Variants in PHKB observed in about 807,000 individuals in gnomAD.
PHKB encodes phosphorylase b kinase regulatory subunit beta.
In PHKB, 122 loss-of-function variants were observed where a neutral mutation model predicts 152.1. The ratio of observed to expected loss-of-function variants is 0.80; its 90% CI spans 0.69 to 0.93. PHKB has a LOEUF of 0.93. Ranked by LOEUF, PHKB falls within the 40% of genes least tolerant of loss-of-function variation. The pLI, the probability that PHKB is intolerant of heterozygous loss-of-function variation, is 0.00. For missense variants in PHKB, 1,304 were observed against 1,328.4 expected (o/e 0.98, Z 0.29); for synonymous variants, 436 against 464.9 (o/e 0.94, Z 0.80).
At chr16:47,659,771 A>T (rs1034723529) in intron 20 of PHKB, among the ~76,000 whole-genome samples, 1 of 152,248 alleles carries the variant, frequency 6.6e-6, no homozygotes, top group South Asian at 2.1e-4. Context: ...GAAATACATT[A>T]CAGTAGCAGA....
chr16:47,471,091 C>T (rs911185410), intron 1 of PHKB, among the ~76,000 whole-genome samples: 7 of 152,182 alleles, frequency 4.6e-5, no homozygotes, highest in Non-Finnish European at 1.0e-4. Flanking sequence ...CACTCATCAG[C>T]TCTCTGTCTC....
At chr16:47,486,430 A>C (rs904655955) in intron 1 of PHKB, among the ~76,000 whole-genome samples, 1 of 152,226 alleles carries the variant, frequency 6.6e-6, no homozygotes, top group Non-Finnish European at 1.5e-5. Flanking sequence ...TAAATTTCAA[A>C]ACTGCTTGAA....
At chr16:47,473,225 T>TC (rs1356798134) in intron 1 of PHKB, among the ~76,000 whole-genome samples, 1,879 of 105,168 alleles carry the variant, frequency 0.018, 49 homozygotes, top group African/African-American at 0.065. Context: ...CTAATTTTTT[T>TC]TTTTTTTTTT....
intron 1 of PHKB, among the ~76,000 whole-genome samples, chr16:47,464,469 T>A (rs1224998346): frequency 6.6e-6 from 1 of 152,210 alleles, no homozygotes; most frequent in Non-Finnish European, 1.5e-5. Context: ...CCATGTGCTT[T>A]GGCCTTTATC....
chr16:47,532,947 A>G (rs988476362), intron 6 of PHKB, among the ~76,000 whole-genome samples: 1 of 152,222 alleles, frequency 6.6e-6, no homozygotes, highest in Admixed American at 6.5e-5. Context: ...GAGCAGTGGA[A>G]CAACTTAGAG....
intron 26 of PHKB, among the ~76,000 whole-genome samples, chr16:47,682,429 T>C (rs1344982409): frequency 2.6e-5 from 4 of 152,228 alleles, no homozygotes; most frequent in African/African-American, 9.6e-5. Flanking sequence ...TCTTTTCACA[T>C]AGTCCCATAT....
At position 47,701,113 on chromosome 16, in the gene PHKB, A is replaced by G. The variant is rs1350602169; in HGVS notation, c.*1747A>G. On this transcript the variant is annotated 3_prime_UTR_variant, in exon 31 of 31. Transcript: ENST00000323584. ...CTAATTTGTAAAACTAATGCCTGAA[A>G]AAAACGTAAGCATGAAGTCCATGGA... The G allele has an allele frequency of 6.6e-6, 1 of 152,192 alleles. No individual in the cohort carries two copies. The highest frequency in any genetic ancestry group is 6.5e-5 in the Admixed American group (1 of 15,272). The allele number at this position is 152,192 out of a possible 1,614,324, so 9.4% of individuals were successfully genotyped here. A position where few individuals can be genotyped will look rare whatever the true frequency, so the allele number is the denominator to read the frequency against.
chr16:47,660,335 G>A (rs939157213), intron 20 of PHKB, among the ~76,000 whole-genome samples, 171 bp from the exon 21 acceptor site: 1 of 152,038 alleles, frequency 6.6e-6, no homozygotes, highest in Non-Finnish European at 1.5e-5. Flanking sequence ...TTTTGTGTGT[G>A]TAGAAACCTG....
intron 7 of PHKB, among the ~76,000 whole-genome samples, chr16:47,551,443 A>G (rs1023128209): frequency 6.6e-6 from 1 of 152,040 alleles, no homozygotes; most frequent in East Asian, 1.9e-4. Flanking sequence ...CAAAGAACTT[A>G]TTTATTTCTG....
intron 13 of PHKB, among the ~76,000 whole-genome samples, chr16:47,602,526 T>TCC (rs1192990126): frequency 6.7e-6 from 1 of 148,366 alleles, no homozygotes; most frequent in Non-Finnish European, 1.5e-5. Flanking sequence ...ACTTTCTCCC[T>TCC]CCCTAGCTTC....
At chr16:47,698,030 A>G (rs1363937786) in intron 29 of PHKB, among the ~76,000 whole-genome samples, 3 of 152,120 alleles carry the variant, frequency 2.0e-5, no homozygotes, top group Admixed American at 6.5e-5. Context: ...GTCTCCATTG[A>G]ACCTGCCTGG....
chr16:47,699,164 G>T, intron 30 of PHKB, 65 bp from the exon 31 acceptor site: 1 of 1,500,078 alleles, frequency 6.7e-7, no homozygotes, highest in South Asian at 1.1e-5. Context: ...AGCTGACACA[G>T]ATTTTACCTG....
chr16:47,480,205 A>G (rs1969940211), intron 1 of PHKB, among the ~76,000 whole-genome samples: 1 of 152,176 alleles, frequency 6.6e-6, no homozygotes. Context: ...AACCAATTGA[A>G]TGGAAATCAG....
At chr16:47,514,810 CT>C (rs2151651299) in intron 5 of PHKB, among the ~76,000 whole-genome samples, 1 of 152,236 alleles carries the variant, frequency 6.6e-6, no homozygotes, top group South Asian at 2.1e-4. Flanking sequence ...TGTGAGTATC[CT>C]TTTTTGTTAA....
rs1017644378 is a variant in PHKB, at chr16:47,700,980, C to T, written c.*1614C>T. Reference sequence around the variant, plus strand: ...TGGCAAAATTGAAATGAATGAGACACAGTTGGGCCCTAAAGAACTAAGGAG... The same window carrying T: ...TGGCAAAATTGAAATGAATGAGACATAGTTGGGCCCTAAAGAACTAAGGAG... On this transcript the variant is annotated 3_prime_UTR_variant, in exon 31 of 31. Transcript: ENST00000323584. The T allele has an allele frequency of 2.0e-5, 3 of 152,040 alleles. No individual in the cohort carries two copies. Among genetic ancestry groups the T allele is most frequent in the African/African-American group, 7.2e-5 (3 of 41,400 alleles). 9.4% of individuals were successfully genotyped at this position (152,040 alleles called of 1,614,324 possible).
rs1973511447 is a variant in PHKB at position 47,664,902 on chromosome 16, G to T, written c.2354G>T (p.Gly785Val). The change falls in exon 25 of 31, where the codon GGG becomes GTG. Residue 785 changes from glycine to valine, a missense_variant. By Grantham distance (109) the Gly-to-Val change is moderately radical. Coordinates refer to ENST00000323584, the MANE Select transcript of PHKB (RefSeq NM_000293.3). Reference protein sequence around the residue: ...SQKLWLAVRYGAAFTQKFSSS... With the variant: ...SQKLWLAVRYVAAFTQKFSSS... ...ACACCCAGGTTGGCGGTGCGCTACG[G>T]GGCTGCATTTACCCAGAAATTTTCT... 1 of 1,613,340 alleles carries T rather than the reference G, an allele frequency of 6.2e-7. No individual in the cohort carries two copies. Among genetic ancestry groups the T allele is most frequent in the South Asian group, 1.1e-5 (1 of 91,026 alleles).
chr16:47,639,054 C>T (rs1053137676), intron 14 of PHKB, among the ~76,000 whole-genome samples: 1 of 152,052 alleles, frequency 6.6e-6, no homozygotes, highest in South Asian at 2.1e-4. Flanking sequence ...GTGGGCAGAT[C>T]GCTTGAGCCC....
intron 7 of PHKB, among the ~76,000 whole-genome samples, chr16:47,576,272 A>C (rs1971748138): frequency 6.6e-6 from 1 of 152,110 alleles, no homozygotes; most frequent in Non-Finnish European, 1.5e-5. Context: ...TAGATGTTGA[A>C]TTTTGTTTGA....
intron 1 of PHKB, among the ~76,000 whole-genome samples, chr16:47,493,225 G>A (rs1421313625): frequency 6.6e-6 from 1 of 152,172 alleles, no homozygotes; most frequent in East Asian, 1.9e-4. Context: ...ACCAGGAGCA[G>A]GAGGGGGGAA....
Sources: allele counts gnomAD v4.1 joint callset (sites outside exome capture counted in the v4.1 genomes callset), GRCh38; gene constraint gnomAD v4.1.1; transcripts MANE v1.5; gene names NCBI Gene and HGNC (gene_info 2026-07-23, HGNC 2026-07-21).